Variants in RAP1GAP2 observed in about 807,000 individuals in gnomAD.
RAP1GAP2 encodes the protein rap1 GTPase-activating protein 2.
RAP1GAP2 carries 27 observed loss-of-function variants against 95.0 expected under a neutral mutation model. The observed-to-expected ratio is 0.28, with a 90% CI of 0.21 to 0.39. The LOEUF is 0.39. RAP1GAP2 is among the 10% of genes least tolerant of loss of function. RAP1GAP2 has a pLI of 1.00. For synonymous variants in RAP1GAP2, 373 were observed against 380.9 expected, an observed-to-expected ratio of 0.98 and a Z score of 0.24; for missense variants, 771 against 970.0, an observed-to-expected ratio of 0.79 and a Z score of 2.72.
At chr17:2,995,607 C>T in intron 13 of RAP1GAP2, 141 bp downstream of exon 13, 1 of 1,224,406 alleles carries the variant, frequency 8.2e-7, no homozygotes, top group South Asian at 1.4e-5. Flanking sequence ...AGCAGCGTCA[C>T]AGTCCGTTCT....
chr17:2,863,873 GA>G, intron 2 of RAP1GAP2, among the ~76,000 whole-genome samples: 1 of 152,240 alleles, frequency 6.6e-6, no homozygotes, highest in East Asian at 1.9e-4. Context: ...CCAACATGGT[GA>G]AACTCCGTCT....
At chr17:2,997,131 G>C (rs931410167) in intron 13 of RAP1GAP2, among the ~76,000 whole-genome samples, 4 of 151,622 alleles carry the variant, frequency 2.6e-5, no homozygotes, top group Admixed American at 6.6e-5. Flanking sequence ...GACACACCAG[G>C]TGCTTGGTGG....
chr17:2,815,549 T>C (rs920354694), intron 2 of RAP1GAP2, among the ~76,000 whole-genome samples: 2 of 151,504 alleles, frequency 1.3e-5, no homozygotes, highest in Admixed American at 1.3e-4. Context: ...TGGCATAATC[T>C]CAGCTCACTG....
At chr17:2,766,739 C>T (rs1389264533) in intron 1 of RAP1GAP2, among the ~76,000 whole-genome samples, 1 of 152,234 alleles carries the variant, frequency 6.6e-6, no homozygotes, top group Non-Finnish European at 1.5e-5. Context: ...GGGCCCTCAC[C>T]AGGCACTGGC....
chr17:2,970,473 T>G (rs1257523619), intron 8 of RAP1GAP2, among the ~76,000 whole-genome samples: 1 of 152,142 alleles, frequency 6.6e-6, no homozygotes, highest in Non-Finnish European at 1.5e-5. Flanking sequence ...TAAATTGCCC[T>G]CTGTAGGGGC....
upstream of RAP1GAP2, among the ~76,000 whole-genome samples, chr17:2,772,368 A>G (rs2068413534): frequency 6.6e-6 from 1 of 152,108 alleles, no homozygotes; most frequent in Non-Finnish European, 1.5e-5. Flanking sequence ...ATGGCTTACT[A>G]CAGCCTCAAA....
At chr17:2,862,983 C>G (rs2072464683) in intron 2 of RAP1GAP2, among the ~76,000 whole-genome samples, 1 of 137,050 alleles carries the variant, frequency 7.3e-6, no homozygotes, top group Non-Finnish European at 1.5e-5. Flanking sequence ...GGTGACAAAG[C>G]CAGACTCTGT....
intron 3 of RAP1GAP2, among the ~76,000 whole-genome samples, chr17:2,926,183 G>T (rs1165372325): frequency 6.6e-6 from 1 of 151,916 alleles, no homozygotes; most frequent in African/African-American, 2.4e-5. Context: ...AGCCCTGGGG[G>T]TAACTGAGCT....
rs533020473 is a variant in RAP1GAP2 at position 2,770,077 on chromosome 17, C to CAAAAAAAA, written c.51-242_51-235dup. On this transcript the variant is annotated intron_variant, in intron 1 of 25. Transcript: ENST00000637138. Reference sequence around the variant, plus strand: ...AACAGAGAGAGACTCGGTCTCAAAACAAAAAAAAAAAAAAAAAGAAGAAGA... The same window carrying CAAAAAAAA: ...AACAGAGAGAGACTCGGTCTCAAAACAAAAAAAAAAAAAAAAAAAAAAAAAGAAGAAGA... 3.1e-4 allele frequency among the ~76,000 whole-genome samples: 30 copies of CAAAAAAAA among 97,872 alleles called. 5 individuals are homozygous for CAAAAAAAA. The highest frequency in any genetic ancestry group is 8.4e-4 in the East Asian group (3 of 3,572). 64.2% of individuals were successfully genotyped at this position (97,872 alleles called of 152,430 possible).
chr17:2,875,135 C>T (rs146861724), intron 2 of RAP1GAP2, among the ~76,000 whole-genome samples: 1,618 of 152,224 alleles, frequency 0.011, 18 homozygotes, highest in Non-Finnish European at 0.016. Flanking sequence ...GGTGCGATCT[C>T]GGCTCACTGC....
At chr17:2,834,376 A>G (rs2071039951) in intron 2 of RAP1GAP2, among the ~76,000 whole-genome samples, 1 of 152,226 alleles carries the variant, frequency 6.6e-6, no homozygotes, top group Admixed American at 6.6e-5. Flanking sequence ...TCTCAAACCC[A>G]GGAACAAGTT....
intron 3 of RAP1GAP2, among the ~76,000 whole-genome samples, chr17:2,934,569 C>T (rs752997244): frequency 1.3e-4 from 20 of 152,224 alleles, no homozygotes; most frequent in African/African-American, 2.4e-4. Flanking sequence ...TTCAAATCCA[C>T]TGTTCTTTCT....
chr17:2,943,688 C>T (rs867922587), intron 3 of RAP1GAP2, among the ~76,000 whole-genome samples: 12 of 146,972 alleles, frequency 8.2e-5, no homozygotes, highest in Non-Finnish European at 1.1e-4. Flanking sequence ...CAAAAAAAAA[C>T]AAACAAAAAC....
At chr17:2,987,933 A>G (rs2045611347) in intron 11 of RAP1GAP2, among the ~76,000 whole-genome samples, 1 of 152,186 alleles carries the variant, frequency 6.6e-6, no homozygotes, top group Non-Finnish European at 1.5e-5. Context: ...CAGCCTGTGC[A>G]TGTTTGCAGA....
At chr17:2,798,849 GACCA>G (rs1448509621) in intron 1 of RAP1GAP2, among the ~76,000 whole-genome samples, 43 of 152,336 alleles carry the variant, frequency 2.8e-4, no homozygotes, top group South Asian at 1.9e-3. Context: ...GGGCTGCTGT[GACCA>G]CGGTGCCTGT....
Position 3,028,437 on chromosome 17 carries a change from C to T in RAP1GAP2, c.2107+1367C>T, listed in dbSNP as rs116187359. 3.6e-3 allele frequency among the ~76,000 whole-genome samples: 555 copies of T among 152,212 alleles called. 7 individuals are homozygous for T. Among genetic ancestry groups the T allele is most frequent in the African/African-American group, 0.013 (522 of 41,522 alleles). On this transcript the variant is annotated intron_variant, in intron 22 of 24. Transcript: ENST00000254695. ...AGGACAGCCCCCTAGCCACATCAGA[C>T]AAATAATTCTCTGACCCCAAATGAC...
chr17:2,872,834 CAA>C (rs2072903501), intron 2 of RAP1GAP2, among the ~76,000 whole-genome samples: 3 of 151,956 alleles, frequency 2.0e-5, no homozygotes, highest in Admixed American at 2.0e-4. Context: ...CCATGCCTGG[CAA>C]AGTTTTTGTA....
At position 3,004,937 on chromosome 17, in the gene RAP1GAP2, G is replaced by A. The variant is rs751741017; in HGVS notation, c.1201-432G>A. On this transcript the variant is annotated intron_variant, in intron 14 of 24. Transcript: ENST00000254695. This position sits in a 1 kb window ranked among gnomAD's most constrained non-coding sequence, Gnocchi z 4.1. ...AGGTCTGGATGCTCTGTTCCTCTGC[G>A]GCTAATCACCTGTGGGACTTGGGGG... 4.5e-4 allele frequency among the ~76,000 whole-genome samples: 68 copies of A among 152,246 alleles called. No homozygotes were observed. The highest frequency in any genetic ancestry group is 8.7e-4 in the Non-Finnish European group (59 of 68,026).
At position 2,964,013 on chromosome 17, in the gene RAP1GAP2, A is replaced by C; in HGVS notation, c.437A>C (p.Tyr146Ser). The C allele has an allele frequency of 6.2e-7, 1 of 1,612,466 alleles. No individual in the cohort carries two copies. The highest frequency in any genetic ancestry group is 8.5e-7 in the Non-Finnish European group (1 of 1,179,604). Reference protein sequence around the residue: ...EDNLSPNTFGYKLECKGEARA... With the variant: ...EDNLSPNTFGSKLECKGEARA... ...AACCTCAGCCCCAACACATTTGGCTACAAGCTCGAGTGCAAGGGTGAAGCC... is the reference window on the plus strand; with the variant it reads ...AACCTCAGCCCCAACACATTTGGCTCCAAGCTCGAGTGCAAGGGTGAAGCC... The change falls in exon 7 of 25, where the codon TAC (tyrosine) becomes TCC (serine). Residue 146 changes from tyrosine (Y) to serine (S), a missense_variant. Transcript: ENST00000254695.
Sources: allele counts gnomAD v4.1 joint callset (sites outside exome capture counted in the v4.1 genomes callset), GRCh38; gene constraint gnomAD v4.1.1; non-coding constraint Gnocchi (gnomAD v3.1); transcripts MANE v1.5; gene names NCBI Gene and HGNC (gene_info 2026-07-23, HGNC 2026-07-21).